The following WDFY3 variants were observed in gnomAD, a reference collection of about 807,000 sequenced individuals.
WDFY3 encodes WD repeat and FYVE domain-containing protein 3.
WDFY3 carries 66 observed loss-of-function variants against 409.6 expected under a neutral mutation model. The ratio of observed to expected loss-of-function variants is 0.16; its 90% confidence interval spans 0.13 to 0.20. The LOEUF (loss-of-function observed/expected upper bound fraction) is 0.20. Ranked by LOEUF, WDFY3 falls within the 10% of genes least tolerant of loss-of-function variation. The probability of loss-of-function intolerance (pLI) is 1.00; values close to 1 mark genes in which losing one functional copy is unlikely to be tolerated. For missense variants in WDFY3, 3,031 were observed against 4,298.1 expected, an observed-to-expected ratio of 0.71 and a Z score of 8.24; for synonymous variants, 1,521 against 1,537.1, an observed-to-expected ratio of 0.99 and a Z score of 0.25.
chr4:84,796,856 A>G (rs1047170680), intron 18 of WDFY3, 104 bp from the exon 19 acceptor site: 23 of 956,026 alleles, frequency 2.4e-5, no homozygotes, highest in Non-Finnish European at 3.1e-6. Context: ...AATAGACAAT[A>G]ATTTTTTTTT....
At chr4:84,849,672 A>T in intron 5 of WDFY3, 2 of 347,712 alleles carry the variant, frequency 5.8e-6, no homozygotes, top group Non-Finnish European at 5.1e-6. Flanking sequence ...TTAAAGGGTT[A>T]GGGTGGAAGT....
intron 3 of WDFY3, among the ~76,000 whole-genome samples, chr4:84,889,926 G>A (rs932493050): frequency 6.6e-6 from 1 of 152,158 alleles, no homozygotes; most frequent in Non-Finnish European, 1.5e-5. Context: ...CTTATAGCCA[G>A]TATATGATAA....
At chr4:84,824,052 A>C (rs576080471) in intron 10 of WDFY3, among the ~76,000 whole-genome samples, 1 of 152,308 alleles carries the variant, frequency 6.6e-6, no homozygotes, top group African/African-American at 2.4e-5. Flanking sequence ...ATTGTGGACT[A>C]TCCAAACAAT....
chr4:84,840,773 GTC>G (rs1162377723), intron 6 of WDFY3, among the ~76,000 whole-genome samples: 1 of 150,722 alleles, frequency 6.6e-6, no homozygotes, highest in African/African-American at 2.4e-5. Context: ...AGAGATTGGG[GTC>G]TCTCTATGTT....
chr4:84,724,345 A>T, intron 46 of WDFY3, 81 bp downstream of exon 46: 1 of 1,497,530 alleles, frequency 6.7e-7, no homozygotes, highest in South Asian at 1.3e-5. Flanking sequence ...TACTATTTAT[A>T]GTTGCTCAAA....
At chr4:84,880,670 CATACATATATATATATATATATAT>C (rs1416027713) in intron 3 of WDFY3, among the ~76,000 whole-genome samples, 4 of 55,204 alleles carry the variant, frequency 7.2e-5, no homozygotes, top group African/African-American at 2.4e-4. Context: ...ATAAGGGAAC[CATACATATATATATATATATATAT>C]ATATATATAT....
intron 2 of WDFY3, among the ~76,000 whole-genome samples, chr4:84,900,126 A>G (rs571259557): frequency 1.3e-5 from 2 of 152,340 alleles, no homozygotes; most frequent in Admixed American, 1.3e-4. Context: ...AGTTTATAGT[A>G]CCTCTATTCA....
At chr4:84,856,978 G>T (rs1337937068) in intron 4 of WDFY3, among the ~76,000 whole-genome samples, 1 of 152,048 alleles carries the variant, frequency 6.6e-6, no homozygotes, top group East Asian at 1.9e-4. Flanking sequence ...TGGTATCTAA[G>T]AACAATTTTA....
At position 84,787,481 on chromosome 4, in the gene WDFY3, C is replaced by T. The variant is rs1747762175; in HGVS notation, c.3901+1G>A. The stretch of plus-strand genomic sequence containing the variant: ...TCAAGAACTAAAAATAAGTTACTCA[C>T]ATGGCATACATACAGCCTGAAAGCT... On this transcript the variant is annotated splice_donor_variant, in intron 23 of 67. Coordinates refer to ENST00000295888, the MANE Select transcript of WDFY3 (RefSeq NM_014991.6). LOFTEE classifies it high-confidence loss of function. 1 of 1,611,120 alleles carries T rather than the reference C, an allele frequency of 6.2e-7. No individual in the cohort carries two copies.
At chr4:84,902,494 C>T (rs1766470229) in intron 2 of WDFY3, among the ~76,000 whole-genome samples, 1 of 152,064 alleles carries the variant, frequency 6.6e-6, no homozygotes, top group Non-Finnish European at 1.5e-5. Context: ...ATTAACAGAC[C>T]ATGTCTCAAG....
At chr4:84,793,120 T>C (rs548022951) in intron 21 of WDFY3, among the ~76,000 whole-genome samples, 7 of 152,292 alleles carry the variant, frequency 4.6e-5, no homozygotes, top group Admixed American at 3.3e-4. Flanking sequence ...AGGTTTCTAG[T>C]TGGGCTAACT....
At chr4:84,902,209 C>T (rs1291786605) in intron 2 of WDFY3, among the ~76,000 whole-genome samples, 1 of 152,146 alleles carries the variant, frequency 6.6e-6, no homozygotes, top group African/African-American at 2.4e-5. Context: ...TTTAGGGAAA[C>T]CAGATTTGCA....
intron 58 of WDFY3, among the ~76,000 whole-genome samples, chr4:84,695,691 G>T (rs575399103): frequency 3.9e-5 from 6 of 152,192 alleles, no homozygotes; most frequent in Admixed American, 3.3e-4. Flanking sequence ...TGTGTATGTG[G>T]CCTATAAGGC....
Position 84,899,369 on chromosome 4 carries a change from C to T in WDFY3, c.-131-2359G>A, listed in dbSNP as rs375944667. 7.2e-5 allele frequency among the ~76,000 whole-genome samples: 11 copies of T among 152,146 alleles called. No individual in the cohort carries two copies. The East Asian group carries it at 1.7e-3, about 24-fold the overall frequency. On this transcript the variant is annotated intron_variant, in intron 2 of 67. Transcript: ENST00000295888. ...GGTGAGCTTGCTGCGTGAACTATAA[C>T]GTCTGAGTTCAAAAACATCCCATGA... is the stretch of plus-strand genomic sequence containing the variant.
chr4:84,840,886 T>C (rs1039370816), intron 6 of WDFY3, among the ~76,000 whole-genome samples: 6 of 151,938 alleles, frequency 3.9e-5, no homozygotes, highest in African/African-American at 1.2e-4. Context: ...CAGCCACAAA[T>C]GGTTATGTCC....
At chr4:84,716,334 G>A (rs911050853) in intron 49 of WDFY3, among the ~76,000 whole-genome samples, 1 of 151,246 alleles carries the variant, frequency 6.6e-6, no homozygotes, top group Non-Finnish European at 1.5e-5. Flanking sequence ...AGCTATGCAG[G>A]AGGCTGAGGC....
At chr4:84,873,019 A>T (rs1291990273) in intron 3 of WDFY3, among the ~76,000 whole-genome samples, 1 of 152,218 alleles carries the variant, frequency 6.6e-6, no homozygotes, top group Admixed American at 6.5e-5. Flanking sequence ...GTCTAAAAGG[A>T]ATATAAAAAT....
intron 49 of WDFY3, among the ~76,000 whole-genome samples, chr4:84,716,264 C>G (rs1001553249): frequency 1.3e-5 from 2 of 150,466 alleles, no homozygotes; most frequent in Non-Finnish European, 3.0e-5. Flanking sequence ...GGTGAAACCC[C>G]GTCTCTACTA....
chr4:84,898,810 A>C (rs1297379141), intron 2 of WDFY3, among the ~76,000 whole-genome samples: 1 of 152,200 alleles, frequency 6.6e-6, no homozygotes, highest in African/African-American at 2.4e-5. Context: ...CACAAACAAC[A>C]ACCTTCCATC....
Sources: allele counts gnomAD v4.1 joint callset (sites outside exome capture counted in the v4.1 genomes callset), GRCh38; gene constraint gnomAD v4.1.1; transcripts MANE v1.5; gene names NCBI Gene and HGNC (gene_info 2026-07-23, HGNC 2026-07-21).